Variants in GRIA4 observed in about 807,000 individuals in gnomAD.
GRIA4 encodes the protein glutamate ionotropic receptor AMPA type subunit 4, also known as glutamate receptor 4.
GRIA4 carries 34 observed loss-of-function variants against 104.0 expected under a neutral mutation model. The ratio of observed to expected loss-of-function variants is 0.33; its 90% CI spans 0.25 to 0.44. The LOEUF is 0.44. Among genes scored for constraint, GRIA4 ranks in the 20% least tolerant of loss-of-function variants. GRIA4 has a pLI of 1.00. For missense variants in GRIA4, 750 were observed against 1,096.5 expected, an observed-to-expected ratio of 0.68 and a Z score of 4.46; for synonymous variants, 386 against 381.9, an observed-to-expected ratio of 1.01 and a Z score of -0.13.
chr11:105,655,045 T>C (rs1951800711), intron 3 of GRIA4, among the ~76,000 whole-genome samples: 1 of 152,172 alleles, frequency 6.6e-6, no homozygotes, highest in Admixed American at 6.5e-5. Context: ...GAAAACCTTG[T>C]AGAGACCCTT....
intron 3 of GRIA4, among the ~76,000 whole-genome samples, chr11:105,691,898 G>A (rs1953096889): frequency 7.7e-6 from 1 of 130,102 alleles, no homozygotes; most frequent in Admixed American, 9.0e-5. Flanking sequence ...TGGTGCCATC[G>A]CACTGTAGCG....
chr11:105,778,099 A>G (rs1565228490), intron 4 of GRIA4, among the ~76,000 whole-genome samples: 1 of 152,224 alleles, frequency 6.6e-6, no homozygotes, highest in Non-Finnish European at 1.5e-5. Flanking sequence ...GAACTGAACC[A>G]GGTAAAGTCC....
At chr11:105,824,632 A>G (rs914449564) in intron 4 of GRIA4, 17 of 152,106 alleles carry the variant, frequency 1.1e-4, no homozygotes, top group African/African-American at 4.1e-4. Flanking sequence ...ATGTACATAA[A>G]TAGCTTTGCG....
intron 4 of GRIA4, among the ~76,000 whole-genome samples, chr11:105,820,796 A>T (rs1227819114): frequency 6.6e-6 from 1 of 152,142 alleles, no homozygotes; most frequent in Non-Finnish European, 1.5e-5. Flanking sequence ...TAGCCCTTTA[A>T]GGAACAACAG....
chr11:105,955,093 G>A (rs1281648218), intron 14 of GRIA4, among the ~76,000 whole-genome samples: 1 of 151,876 alleles, frequency 6.6e-6, no homozygotes, highest in Non-Finnish European at 1.5e-5. Context: ...TAAAGCTTTT[G>A]TTGTATAAAG....
At chr11:105,860,956 GA>G (rs55824302) in intron 4 of GRIA4, among the ~76,000 whole-genome samples, 2,149 of 106,012 alleles carry the variant, frequency 0.02, 49 homozygotes, top group African/African-American at 0.053. Context: ...AAGACTGTCT[GA>G]AAAAAAAAAA....
intron 3 of GRIA4, among the ~76,000 whole-genome samples, chr11:105,744,013 T>G (rs1939493914): frequency 6.6e-6 from 1 of 152,198 alleles, no homozygotes; most frequent in Non-Finnish European, 1.5e-5. Flanking sequence ...TTGTATGTCT[T>G]TAATTACTAT....
chr11:105,705,881 T>G (rs1381998687), intron 3 of GRIA4, among the ~76,000 whole-genome samples: 4 of 152,164 alleles, frequency 2.6e-5, no homozygotes, highest in Admixed American at 2.6e-4. Context: ...TACCTTTCTA[T>G]CTAGCAATGA....
chr11:105,696,773 T>A lies in GRIA4; in HGVS notation c.248-56208T>A, dbSNP rs190181559. On this transcript the variant is annotated intron_variant, in intron 3 of 16. Transcript: ENST00000282499. ...CTGACATATTTCTTTCTGATTTTTT[T>A]TTTTTATTGAAACAGAGTTTTGCTC... 3.9e-5 allele frequency among the ~76,000 whole-genome samples: 6 copies of A among 152,274 alleles called. No homozygotes were observed. The East Asian group carries it at 1.2e-3, about 29-fold the overall frequency.
intron 3 of GRIA4, among the ~76,000 whole-genome samples, chr11:105,746,061 T>G (rs1213234713): frequency 1.3e-5 from 2 of 152,158 alleles, no homozygotes; most frequent in African/African-American, 4.8e-5. Context: ...AATATTTTCA[T>G]AAACATTTAT....
At chr11:105,736,948 C>T (rs1163156567) in intron 3 of GRIA4, among the ~76,000 whole-genome samples, 1 of 152,056 alleles carries the variant, frequency 6.6e-6, no homozygotes, top group African/African-American at 2.4e-5. Flanking sequence ...CACAAACACA[C>T]ACGCAGAAGC....
chr11:105,946,696 C>T (rs950641915), intron 14 of GRIA4, among the ~76,000 whole-genome samples: 1 of 152,104 alleles, frequency 6.6e-6, no homozygotes, highest in Non-Finnish European at 1.5e-5. Flanking sequence ...CTTCTAGATC[C>T]TATTCAGCAA....
chr11:105,664,416 C>T (rs548881309), intron 3 of GRIA4, among the ~76,000 whole-genome samples: 3 of 150,698 alleles, frequency 2.0e-5, no homozygotes, highest in Non-Finnish European at 3.0e-5. Context: ...GGTATGGGCA[C>T]AAACAGACTT....
chr11:105,828,813 C>A (rs1943869129), intron 4 of GRIA4, among the ~76,000 whole-genome samples: 1 of 151,976 alleles, frequency 6.6e-6, no homozygotes, highest in Non-Finnish European at 1.5e-5. Flanking sequence ...AGCCTTATAT[C>A]TTTGAGGACT....
chr11:105,648,605 AAG>A (rs1951599122), intron 3 of GRIA4, among the ~76,000 whole-genome samples: 1 of 151,914 alleles, frequency 6.6e-6, no homozygotes, highest in South Asian at 2.1e-4. Flanking sequence ...AAAAAAAAGA[AAG>A]AACTAGGAAG....
intron 2 of GRIA4, 112 bp downstream of exon 2, chr11:105,611,197 C>T: frequency 1.4e-6 from 1 of 739,674 alleles, no homozygotes; most frequent in Non-Finnish European, 2.5e-6. Context: ...AGTTCCCTTC[C>T]CCTCTGTTTC....
chr11:105,639,594 A>C (rs1951302089), intron 3 of GRIA4, among the ~76,000 whole-genome samples: 1 of 152,054 alleles, frequency 6.6e-6, no homozygotes, highest in Non-Finnish European at 1.5e-5. Context: ...TACCCTGTAC[A>C]TTTTTAATTT....
At chr11:105,931,569 G>A (rs1294048671) in intron 13 of GRIA4, among the ~76,000 whole-genome samples, 1 of 151,922 alleles carries the variant, frequency 6.6e-6, no homozygotes, top group Admixed American at 6.6e-5. Flanking sequence ...GCTGGGTGTG[G>A]TGGCGGGTTT....
chr11:105,639,326 G>A (rs1009592145), intron 3 of GRIA4, among the ~76,000 whole-genome samples: 1 of 151,900 alleles, frequency 6.6e-6, no homozygotes, highest in African/African-American at 2.4e-5. Flanking sequence ...TTAAACAGAG[G>A]GAATTAATTT....
Sources: gnomAD v4.1 joint callset for allele counts (sites outside exome capture counted in the v4.1 genomes callset) on GRCh38, gnomAD v4.1.1 for gene constraint, MANE v1.5 for transcripts, NCBI Gene and HGNC (gene_info 2026-07-23, HGNC 2026-07-21) for gene names.